The following SLC4A4 variants were observed in gnomAD, a reference collection of about 807,000 sequenced individuals.
The protein encoded by SLC4A4 is electrogenic sodium bicarbonate cotransporter 1.
A neutral mutation model predicts 111.5 loss-of-function variants in SLC4A4; 27 were observed. The ratio of observed to expected loss-of-function variants is 0.24; its 90% CI spans 0.18 to 0.33. The LOEUF (loss-of-function observed/expected upper bound fraction) is 0.33. Ranked by LOEUF, SLC4A4 falls within the 10% of genes least tolerant of loss-of-function variation. SLC4A4 has a pLI of 1.00. For missense variants in SLC4A4, 909 were observed against 1,315.5 expected, an observed-to-expected ratio of 0.69 and a Z score of 4.78; for synonymous variants, 443 against 463.4, an observed-to-expected ratio of 0.96 and a Z score of 0.57.
chr4:71,121,083 C>T (rs1026716997), intron 2 of SLC4A4, among the ~76,000 whole-genome samples: 14 of 152,160 alleles, frequency 9.2e-5, no homozygotes, highest in Non-Finnish European at 1.2e-4. Context: ...CTAGCAGCTG[C>T]GGAGGGTGTG....
At chr4:71,417,509 C>G (rs1212436339) in intron 7 of SLC4A4, among the ~76,000 whole-genome samples, 1 of 152,102 alleles carries the variant, frequency 6.6e-6, no homozygotes, top group Non-Finnish European at 1.5e-5. Context: ...CATGGCACAA[C>G]AGTGAAAGAG....
chr4:71,220,577 G>A (rs1467763220), intron 1 of SLC4A4, among the ~76,000 whole-genome samples: 1 of 152,050 alleles, frequency 6.6e-6, no homozygotes, highest in Admixed American at 6.6e-5. Context: ...TTTCTTGATT[G>A]TCTCAAAATA....
intron 2 of SLC4A4, among the ~76,000 whole-genome samples, chr4:71,241,033 C>T (rs919826787): frequency 1.3e-5 from 2 of 151,876 alleles, no homozygotes; most frequent in Non-Finnish European, 2.9e-5. Context: ...GTGGGAGAAT[C>T]GTTTGAGCCC....
At chr4:71,326,857 A>G (rs1447883905) in intron 3 of SLC4A4, among the ~76,000 whole-genome samples, 6 of 152,040 alleles carry the variant, frequency 3.9e-5, no homozygotes, top group African/African-American at 1.4e-4. Flanking sequence ...CATGATATCT[A>G]CCTACAAACT....
intron 1 of SLC4A4, among the ~76,000 whole-genome samples, chr4:71,086,523 G>A (rs950122455): frequency 2.6e-5 from 4 of 151,962 alleles, no homozygotes; most frequent in Non-Finnish European, 4.4e-5. Context: ...CCCATTCAGT[G>A]TGATATTGGC....
intron 16 of SLC4A4, among the ~76,000 whole-genome samples, chr4:71,498,504 CTCT>C (rs1730613657): frequency 6.6e-6 from 1 of 152,052 alleles, no homozygotes; most frequent in South Asian, 2.1e-4. Flanking sequence ...CATGAAACAG[CTCT>C]TCTTGCATTA....
chr4:71,533,092 A>C (rs1482259900), intron 17 of SLC4A4, among the ~76,000 whole-genome samples: 1 of 152,154 alleles, frequency 6.6e-6, no homozygotes, highest in East Asian at 1.9e-4. Flanking sequence ...TTTGCTAAGA[A>C]TTATTAAGCT....
chr4:71,118,748 A>C lies in SLC4A4; in HGVS notation c.-2+25956A>C, dbSNP rs374681902. 2.4e-4 allele frequency among the ~76,000 whole-genome samples: 37 copies of C among 152,338 alleles called. No individual in the cohort carries two copies. The East Asian group carries it at 3.7e-3, about 15-fold the overall frequency. On this transcript the variant is annotated intron_variant, in intron 2 of 26. Coordinates refer to the SLC4A4 transcript ENST00000649996. ...TTCTGATTTCTTCTTCATTTAAAGA[A>C]GTCCTTGTTACTTTATATTCACACT...
intron 3 of SLC4A4, among the ~76,000 whole-genome samples, chr4:71,261,399 G>GT (rs1354788593): frequency 6.6e-6 from 1 of 152,158 alleles, no homozygotes; most frequent in Non-Finnish European, 1.5e-5. Context: ...CTTTCTTTGT[G>GT]TTTCTTTGTG....
chr4:71,259,739 C>T (rs1560822361), intron 3 of SLC4A4, among the ~76,000 whole-genome samples: 1 of 152,032 alleles, frequency 6.6e-6, no homozygotes, highest in Non-Finnish European at 1.5e-5. Context: ...ACACAGCATA[C>T]CTTCCCAGCC....
rs533282407 is a variant in SLC4A4, at chr4:71,384,028, T to C, written c.731-13549T>C. 2.6e-5 allele frequency among the ~76,000 whole-genome samples: 4 copies of C among 152,284 alleles called. No individual in the cohort carries two copies. The East Asian group carries it at 5.8e-4, about 22-fold the overall frequency. ...TAGATAACTTGATGTAATTTAGGAGTAGCACAGTATCAACCAAGAGCTGCA... is the reference window on the plus strand; with the variant it reads ...TAGATAACTTGATGTAATTTAGGAGCAGCACAGTATCAACCAAGAGCTGCA... On this transcript the variant is annotated intron_variant, in intron 6 of 25. Coordinates refer to ENST00000264485, the MANE Select transcript of SLC4A4 (RefSeq NM_001098484.3).
At chr4:71,106,824 G>A (rs1426242399) in intron 2 of SLC4A4, among the ~76,000 whole-genome samples, 1 of 146,354 alleles carries the variant, frequency 6.8e-6, no homozygotes, top group South Asian at 2.2e-4. Flanking sequence ...CCTAATGCTA[G>A]ATGACGAGTT....
chr4:71,239,495 T>C (rs1032564242), intron 2 of SLC4A4, among the ~76,000 whole-genome samples: 15 of 152,138 alleles, frequency 9.9e-5, no homozygotes, highest in Admixed American at 1.3e-4. Context: ...GGAGAGAGAC[T>C]TCAAACCACG....
chr4:71,555,123 C>T lies in SLC4A4; in HGVS notation c.2695-17C>T, dbSNP rs755791280. On this transcript the variant is annotated splice_polypyrimidine_tract_variant and intron_variant, in intron 20 of 25. Coordinates refer to ENST00000264485, the MANE Select transcript of SLC4A4 (RefSeq NM_001098484.3). ...CTTGTTATCATTTTTAAGTTGTATC[C>T]ATTTTTTTCCTTCTAGTTTATACCC... 6.4e-7 allele frequency: 1 copy of T among 1,560,420 alleles called. No homozygotes were observed. The highest frequency in any genetic ancestry group is 1.1e-5 in the South Asian group (1 of 89,976).
chr4:71,250,640 A>G (rs1720998749), intron 2 of SLC4A4, among the ~76,000 whole-genome samples: 1 of 152,236 alleles, frequency 6.6e-6, no homozygotes, highest in African/African-American at 2.4e-5. Context: ...GAGGTTGTGT[A>G]TAAAATGCAC....
intron 1 of SLC4A4, among the ~76,000 whole-genome samples, chr4:71,188,606 A>G (rs1233332081): frequency 6.6e-6 from 1 of 151,218 alleles, no homozygotes; most frequent in African/African-American, 2.4e-5. Context: ...GAGTTGTAAT[A>G]CTACCTGAAT....
At chr4:71,187,712 G>A (rs1208999825) in intron 1 of SLC4A4, among the ~76,000 whole-genome samples, 1 of 152,176 alleles carries the variant, frequency 6.6e-6, no homozygotes, top group Non-Finnish European at 1.5e-5. Context: ...AGGACTGCGG[G>A]GCCAGTTCTG....
chr4:71,443,282 C>G (rs1233636300), intron 8 of SLC4A4, among the ~76,000 whole-genome samples: 11 of 151,362 alleles, frequency 7.3e-5, no homozygotes, highest in Admixed American at 1.3e-4. Context: ...TCCTGAGCAG[C>G]TGGGATAACA....
At chr4:71,255,116 C>A in intron 2 of SLC4A4, 104 bp from the exon 3 acceptor site, 1 of 1,102,160 alleles carries the variant, frequency 9.1e-7, no homozygotes, top group Non-Finnish European at 1.4e-6. Flanking sequence ...AGAATGGTAA[C>A]GTTGAATTTA....
Sources: allele counts gnomAD v4.1 joint callset (sites outside exome capture counted in the v4.1 genomes callset), GRCh38; gene constraint gnomAD v4.1.1; transcripts MANE v1.5; gene names NCBI Gene and HGNC (gene_info 2026-07-23, HGNC 2026-07-21).